MRC1: variants seen among roughly 807,000 people sequenced by gnomAD.
MRC1 encodes the protein macrophage mannose receptor 1.
A neutral mutation model predicts 102.9 loss-of-function variants in MRC1; 62 were observed. That is an observed-to-expected ratio of 0.60 (90% CI 0.49 to 0.74). The LOEUF (loss-of-function observed/expected upper bound fraction) is 0.74, where lower values mean the gene tolerates loss of function less well. Ranked by LOEUF, MRC1 falls within the 30% of genes least tolerant of loss-of-function variation. The pLI is 0.00. For synonymous variants in MRC1, 457 were observed against 298.4 expected, an observed-to-expected ratio of 1.53 and a Z score of -5.48; for missense variants, 1,237 against 862.8, an observed-to-expected ratio of 1.43 and a Z score of -5.43.
At chr10:17,813,662 TACAC>T (rs1189019911) in intron 1 of MRC1, among the ~76,000 whole-genome samples, 5 of 138,524 alleles carry the variant, frequency 3.6e-5, no homozygotes, top group African/African-American at 5.4e-5. Flanking sequence ...TATATATATA[TACAC>T]ACACACACAC....
Position 17,858,734 on chromosome 10 carries a change from C to T in MRC1, c.1518+2382C>T, listed in dbSNP as rs978991531. Among the ~76,000 whole-genome samples, 15 of 152,326 alleles carry T rather than the reference C, an allele frequency of 9.8e-5. No homozygotes were observed. In the East Asian group the frequency reaches 1.2e-3, roughly 12 times the overall value. On this transcript the variant is annotated intron_variant, in intron 9 of 29. Coordinates refer to ENST00000569591, the MANE Select transcript of MRC1 (RefSeq NM_002438.4). ...AACTCCTGACCTCATGATCCATCCG[C>T]CTTGGCCTCCCAAAGTGCTGGGATT... is the stretch of plus-strand genomic sequence containing the variant.
rs1456802679 is a variant in MRC1 at position 17,809,456 on chromosome 10, A to G, written c.-10A>G. The stretch of plus-strand genomic sequence containing the variant: ...GTCCATCAGGAGAAGGAAAGGATAA[A>G]CCCTGGGCCATGAGGCTACCCCTGC... On this transcript the variant is annotated 5_prime_UTR_variant, in exon 1 of 30. Coordinates refer to ENST00000569591, the MANE Select transcript of MRC1 (RefSeq NM_002438.4). 5 of 872,244 alleles carry G rather than the reference A, an allele frequency of 5.7e-6. No individual in the cohort carries two copies. Among genetic ancestry groups the G allele is most frequent in the African/African-American group, 1.6e-5 (1 of 61,146 alleles). The allele number at this position is 872,244 out of a possible 1,614,324, so 54.0% of individuals were successfully genotyped here. A position where few individuals can be genotyped will look rare whatever the true frequency, so the allele number is the denominator to read the frequency against.
chr10:17,809,524 T>C lies in MRC1; in HGVS notation c.59T>C (p.Leu20Pro). 2 of 872,814 alleles carry C rather than the reference T, an allele frequency of 2.3e-6. No individual in the cohort carries two copies. The highest frequency in any genetic ancestry group is 2.4e-5 in the East Asian group (1 of 41,712). 54.1% of individuals were successfully genotyped at this position (872,814 alleles called of 1,614,324 possible). A position where few individuals can be genotyped will look rare whatever the true frequency, so the allele number is the denominator to read the frequency against. The change falls in exon 1 of 30, where the codon CTG (leucine) becomes CCG (proline). Residue 20 changes from leucine (L) to proline (P), a missense_variant and splice_region_variant. Coordinates refer to ENST00000569591, the MANE Select transcript of MRC1 (RefSeq NM_002438.4). ...GTCATTCCGGGTGCTGTTCTCCTAC[T>C]GGGTAAGTCTGCTCTGAGGCAGGGG... Reference protein sequence around the residue: ...ASVIPGAVLLLDTRQFLIYNE... With the variant: ...ASVIPGAVLLPDTRQFLIYNE...
chr10:17,872,762 G>A lies in MRC1; in HGVS notation c.2344+636G>A, dbSNP rs946660736. Among the ~76,000 whole-genome samples, 291 of 152,294 alleles carry A rather than the reference G, an allele frequency of 1.9e-3. 1 individual carries two copies. The highest frequency in any genetic ancestry group is 6.7e-3 in the African/African-American group (278 of 41,574). On this transcript the variant is annotated intron_variant, in intron 15 of 29. Coordinates refer to ENST00000569591, the MANE Select transcript of MRC1 (RefSeq NM_002438.4). Reference sequence around the variant, plus strand: ...AGAAAGTTCTGCATATTCAAGTCAGGCCAGAGGATCCGAGTTCTAATGTTA... The same window carrying A: ...AGAAAGTTCTGCATATTCAAGTCAGACCAGAGGATCCGAGTTCTAATGTTA...
chr10:17,842,595 C>G (rs1340113450), intron 5 of MRC1, among the ~76,000 whole-genome samples: 5 of 152,110 alleles, frequency 3.3e-5, no homozygotes, highest in African/African-American at 1.2e-4. Flanking sequence ...GTCTGTCTAC[C>G]TATTCAGCCA....
chr10:17,894,390 CTTTCTTTTTTTTTTTT>C, intron 23 of MRC1, 78 bp downstream of exon 23: 4 of 577,564 alleles, frequency 6.9e-6, no homozygotes, highest in Non-Finnish European at 8.9e-6. Flanking sequence ...TTCTTTCTTT[CTTTCTTTTTTTTTTTT>C]TTTTTTTTTT....
rs1833934347 is a variant in MRC1, at chr10:17,909,080, A to G, written c.4079-226A>G. The stretch of plus-strand genomic sequence containing the variant: ...CACCATACAACCATAGGCAACTGCT[A>G]TGGCTCAGACAGAGAGACAGATAGA... On this transcript the variant is annotated intron_variant, in intron 28 of 29. Coordinates refer to ENST00000569591, the MANE Select transcript of MRC1 (RefSeq NM_002438.4). 2.6e-5 allele frequency among the ~76,000 whole-genome samples: 4 copies of G among 152,196 alleles called. No homozygotes were observed. The East Asian group carries it at 5.8e-4, about 22-fold the overall frequency.
At chr10:17,880,304 G>A (rs1332334103) in intron 19 of MRC1, among the ~76,000 whole-genome samples, 2 of 152,154 alleles carry the variant, frequency 1.3e-5, no homozygotes, top group Non-Finnish European at 2.9e-5. Context: ...TCATGTACAT[G>A]TTTGGTTCAT....
At chr10:17,860,274 G>GTTTT (rs35809277) in intron 9 of MRC1, among the ~76,000 whole-genome samples, 2 of 142,706 alleles carry the variant, frequency 1.4e-5, no homozygotes, top group Admixed American at 7.0e-5. Context: ...TAGCATTTCT[G>GTTTT]TTTTTTTTTT....
At chr10:17,889,718 C>T (rs1236120846) in intron 22 of MRC1, among the ~76,000 whole-genome samples, 1 of 152,210 alleles carries the variant, frequency 6.6e-6, no homozygotes, top group Non-Finnish European at 1.5e-5. Flanking sequence ...TAATTCATTT[C>T]ACTTATCCAT....
At chr10:17,831,076 T>G (rs1838564238) in intron 3 of MRC1, among the ~76,000 whole-genome samples, 1 of 150,318 alleles carries the variant, frequency 6.7e-6, no homozygotes, top group Admixed American at 6.6e-5. Flanking sequence ...TTTTGTATTT[T>G]TAGTAGAGAC....
chr10:17,826,356 C>T lies in MRC1; in HGVS notation c.464-1186C>T, dbSNP rs909054675. On this transcript the variant is annotated intron_variant, in intron 2 of 29. Coordinates refer to ENST00000569591, the MANE Select transcript of MRC1 (RefSeq NM_002438.4). ...TAGTTGGGATTACAGGTGCCTGCCACCATGCCCAGCTAGTTTTTCTATTTT... is the reference window on the plus strand; with the variant it reads ...TAGTTGGGATTACAGGTGCCTGCCATCATGCCCAGCTAGTTTTTCTATTTT... 5.3e-5 allele frequency among the ~76,000 whole-genome samples: 8 copies of T among 152,268 alleles called. No homozygotes were observed. In the South Asian group the frequency reaches 1.5e-3, roughly 28 times the overall value.
intron 3 of MRC1, among the ~76,000 whole-genome samples, chr10:17,831,662 A>G (rs1838575290): frequency 6.6e-6 from 1 of 151,642 alleles, no homozygotes; most frequent in Non-Finnish European, 1.5e-5. Context: ...ACATTTTCAG[A>G]GAAGTTATAT....
intron 17 of MRC1, among the ~76,000 whole-genome samples, chr10:17,877,207 A>G (rs914253273): frequency 1.3e-4 from 19 of 148,704 alleles, no homozygotes; most frequent in African/African-American, 4.6e-4. Context: ...TGAAGAACAG[A>G]TATATCCTCC....
rs1554840128 is a variant in MRC1, at chr10:17,845,152, T to G, written c.917-137T>G. The G allele has an allele frequency of 3.8e-6, 3 of 779,492 alleles. No individual in the cohort carries two copies. In the East Asian group the frequency reaches 7.3e-5, roughly 19 times the overall value. 48.3% of individuals were successfully genotyped at this position (779,492 alleles called of 1,614,324 possible). On this transcript the variant is annotated intron_variant, in intron 5 of 29. Coordinates refer to ENST00000569591, the MANE Select transcript of MRC1 (RefSeq NM_002438.4). ...TTTTGCTCTGCAGTCAGTAAATATT[T>G]TTTTGTGAATGTGTAGCAAAAGACA...
At chr10:17,899,733 A>G (rs1311095022) in intron 24 of MRC1, among the ~76,000 whole-genome samples, 2 of 152,208 alleles carry the variant, frequency 1.3e-5, no homozygotes, top group Admixed American at 6.5e-5. Flanking sequence ...GATATTATTG[A>G]TAAATAATAT....
chr10:17,835,184 C>T (rs1838644230), intron 4 of MRC1, among the ~76,000 whole-genome samples: 1 of 152,180 alleles, frequency 6.6e-6, no homozygotes, highest in Non-Finnish European at 1.5e-5. Flanking sequence ...GGAATTCTCA[C>T]GATTGTGTAC....
At chr10:17,843,620 C>T (rs930374532) in intron 5 of MRC1, among the ~76,000 whole-genome samples, 767 of 151,808 alleles carry the variant, frequency 5.1e-3, no homozygotes, top group Non-Finnish European at 8.5e-3. Flanking sequence ...GCTGAGATCA[C>T]GCCACTGGAC....
At chr10:17,839,769 A>T (rs1838722226) in intron 4 of MRC1, among the ~76,000 whole-genome samples, 1 of 152,136 alleles carries the variant, frequency 6.6e-6, no homozygotes, top group Non-Finnish European at 1.5e-5. Flanking sequence ...TTCAAAAAAG[A>T]TAGAGGTGGC....
Sources: gnomAD v4.1 joint callset for allele counts (sites outside exome capture counted in the v4.1 genomes callset) on GRCh38, gnomAD v4.1.1 for gene constraint, MANE v1.5 for transcripts, NCBI Gene and HGNC (gene_info 2026-07-23, HGNC 2026-07-21) for gene names.